SLC16A12: variants seen among roughly 807,000 people sequenced by gnomAD.
SLC16A12 encodes the protein monocarboxylate transporter 12.
SLC16A12 carries 17 observed loss-of-function variants against 42.4 expected under a neutral mutation model. That is an observed-to-expected ratio of 0.40 (90% CI 0.27 to 0.60). SLC16A12 has a LOEUF of 0.60. Ranked by LOEUF, SLC16A12 falls within the 20% of genes least tolerant of loss-of-function variation. The probability of loss-of-function intolerance (pLI) is 0.42; values close to 1 mark genes in which losing one functional copy is unlikely to be tolerated. For synonymous variants in SLC16A12, 224 were observed against 229.4 expected, an observed-to-expected ratio of 0.98 and a Z score of 0.21; for missense variants, 544 against 623.0, an observed-to-expected ratio of 0.87 and a Z score of 1.35.
intron 2 of SLC16A12, among the ~76,000 whole-genome samples, chr10:89,479,734 T>C (rs1159645342): frequency 6.6e-6 from 1 of 152,214 alleles, no homozygotes; most frequent in African/African-American, 2.4e-5. Context: ...TTCAAATAAA[T>C]GTTAGCTATT....
chr10:89,490,154 G>T (rs938633890), intron 2 of SLC16A12, among the ~76,000 whole-genome samples: 16 of 152,214 alleles, frequency 1.1e-4, no homozygotes. Context: ...AGTCAAAGAT[G>T]GATGAGCCTG....
intron 2 of SLC16A12, among the ~76,000 whole-genome samples, chr10:89,486,936 T>G (rs1331805870): frequency 6.6e-6 from 1 of 152,174 alleles, no homozygotes; most frequent in Non-Finnish European, 1.5e-5. Flanking sequence ...CAGAGAGAGA[T>G]ATGTGTGGGC....
intron 2 of SLC16A12, among the ~76,000 whole-genome samples, chr10:89,554,111 G>GGAAGGAAGGAAGGAAGGAAGGAAGGAAA (rs1843792723): frequency 7.3e-6 from 1 of 136,480 alleles, no homozygotes; most frequent in Non-Finnish European, 1.6e-5. Flanking sequence ...AAGGAAGGAA[G>GGAAGGAAGGAAGGAAGGAAGGAAGGAAA]GAAGGAAGGA....
At chr10:89,506,366 C>T (rs959507749) in intron 2 of SLC16A12, among the ~76,000 whole-genome samples, 4 of 152,180 alleles carry the variant, frequency 2.6e-5, no homozygotes, top group Non-Finnish European at 5.9e-5. Flanking sequence ...GACGAAGCTT[C>T]CAGAGGAAGG....
rs555524836 is a variant in SLC16A12, at chr10:89,521,513, T to C, written c.-47+12988A>G. ...GGAAACACATATTGCTGGTTTCCCA[T>C]CACATGGCTAAACTACAGAAGCAGA... On this transcript the variant is annotated intron_variant, in intron 2 of 7. Transcript: ENST00000371790. Among the ~76,000 whole-genome samples, 294 of 152,292 alleles carry C rather than the reference T, an allele frequency of 1.9e-3. 4 individuals carry two copies. Among genetic ancestry groups the C allele is most frequent in the South Asian group, 0.011 (51 of 4,818 alleles).
At chr10:89,529,446 A>G (rs912267897) in intron 2 of SLC16A12, among the ~76,000 whole-genome samples, 1 of 152,028 alleles carries the variant, frequency 6.6e-6, no homozygotes, top group Non-Finnish European at 1.5e-5. Flanking sequence ...CTTTGTTTAC[A>G]TATATGAACC....
At chr10:89,540,211 A>G (rs1437305108), upstream of SLC16A12, among the ~76,000 whole-genome samples, 2 of 151,668 alleles carry the variant, frequency 1.3e-5, no homozygotes, top group East Asian at 1.9e-4. Context: ...AGATCCTCCC[A>G]CCTCAGCCTC....
At position 89,534,648 on chromosome 10, in the gene SLC16A12, A is replaced by C. The variant is rs1843619479; in HGVS notation, c.-186-8T>G. 1 of 141,940 alleles carries C rather than the reference A, an allele frequency of 7.0e-6. No homozygotes were observed. Among genetic ancestry groups the C allele is most frequent in the Non-Finnish European group, 1.5e-5 (1 of 64,526 alleles). The allele number at this position is 141,940 out of a possible 1,614,324, so 8.8% of individuals were successfully genotyped here. On this transcript the variant is annotated splice_polypyrimidine_tract_variant and splice_region_variant and intron_variant, in intron 1 of 7. Coordinates refer to ENST00000371790, the MANE Select transcript of SLC16A12 (RefSeq NM_213606.4). ...TATGTCGAAATCCTGTATCTGCAAA[A>C]AAAAAAAAAAAAAAAAAAAAAAATC...
At chr10:89,526,846 C>T (rs570997416) in intron 2 of SLC16A12, among the ~76,000 whole-genome samples, 2 of 151,326 alleles carry the variant, frequency 1.3e-5, no homozygotes, top group South Asian at 4.2e-4. Flanking sequence ...TTAAAATCTA[C>T]TGGCCAAAAT....
chr10:89,463,185 T>C (rs1842331240), intron 2 of SLC16A12: 1 of 152,214 alleles, frequency 6.6e-6, no homozygotes, highest in Non-Finnish European at 1.5e-5. Flanking sequence ...TAAATAAGCT[T>C]CCATTTTATT....
chr10:89,463,348 C>T (rs2060254681), intron 2 of SLC16A12, among the ~76,000 whole-genome samples: 1 of 151,826 alleles, frequency 6.6e-6, no homozygotes, highest in African/African-American at 2.4e-5. Context: ...ATAAATGAGA[C>T]AAAGTAGAGA....
At chr10:89,519,373 G>A (rs932173001) in intron 2 of SLC16A12, among the ~76,000 whole-genome samples, 1 of 151,840 alleles carries the variant, frequency 6.6e-6, no homozygotes, top group African/African-American at 2.4e-5. Context: ...TAAAACAAAA[G>A]TTGAGAGAAG....
intron 2 of SLC16A12, among the ~76,000 whole-genome samples, chr10:89,522,211 A>G (rs1843368780): frequency 6.6e-6 from 1 of 152,218 alleles, no homozygotes; most frequent in South Asian, 2.1e-4. Flanking sequence ...TGTATTGAGA[A>G]TTAAGTATCC....
At chr10:89,436,698 G>C (rs1313599908) in intron 6 of SLC16A12, among the ~76,000 whole-genome samples, 1 of 151,644 alleles carries the variant, frequency 6.6e-6, no homozygotes, top group African/African-American at 2.4e-5. Context: ...CCAATCTTTT[G>C]GCTTCCCTGG....
intron 2 of SLC16A12, among the ~76,000 whole-genome samples, chr10:89,505,135 C>G (rs1220458524): frequency 6.6e-6 from 1 of 152,054 alleles, no homozygotes; most frequent in Non-Finnish European, 1.5e-5. Context: ...ACATCTGCCA[C>G]CCAAATAGGC....
chr10:89,514,424 T>C (rs1843212828), intron 2 of SLC16A12, among the ~76,000 whole-genome samples: 1 of 152,198 alleles, frequency 6.6e-6, no homozygotes, highest in South Asian at 2.1e-4. Context: ...ACATTTTTCT[T>C]ACAGTTCTGG....
intron 2 of SLC16A12, among the ~76,000 whole-genome samples, chr10:89,492,359 G>A (rs113186153): frequency 0.015 from 2,228 of 151,750 alleles, 56 homozygotes; most frequent in East Asian, 0.032. Flanking sequence ...TTTATATGTC[G>A]CCCGAGATAA....
At chr10:89,460,467 G>A (rs1422819846) in intron 3 of SLC16A12, among the ~76,000 whole-genome samples, 2 of 122,574 alleles carry the variant, frequency 1.6e-5, no homozygotes, top group South Asian at 2.4e-4. Flanking sequence ...GCTCACGTCT[G>A]TAATCCCAGC....
At chr10:89,479,933 T>C (rs1262019408) in intron 2 of SLC16A12, among the ~76,000 whole-genome samples, 1 of 152,210 alleles carries the variant, frequency 6.6e-6, no homozygotes, top group African/African-American at 2.4e-5. Flanking sequence ...AGACTTTACA[T>C]AGAGGCATTT....
Sources: allele counts gnomAD v4.1 joint callset (sites outside exome capture counted in the v4.1 genomes callset), GRCh38; gene constraint gnomAD v4.1.1; transcripts MANE v1.5; gene names NCBI Gene and HGNC (gene_info 2026-07-23, HGNC 2026-07-21).